UNC13C: variants seen among roughly 807,000 people sequenced by gnomAD.
The protein encoded by UNC13C is protein unc-13 homolog C.
In UNC13C, 174 loss-of-function variants were observed where a neutral mutation model predicts 245.4. The ratio of observed to expected loss-of-function variants is 0.71; its 90% CI spans 0.63 to 0.80. The LOEUF (loss-of-function observed/expected upper bound fraction) is 0.80, where lower values mean the gene tolerates loss of function less well. Among genes scored for constraint, UNC13C ranks in the 30% least tolerant of loss-of-function variants. The pLI, the probability that UNC13C is intolerant of heterozygous loss-of-function variation, is 0.00. For missense variants in UNC13C, 2,829 were observed against 2,602.9 expected, an observed-to-expected ratio of 1.09 and a Z score of -1.89; for synonymous variants, 992 against 895.1, an observed-to-expected ratio of 1.11 and a Z score of -1.93.
chr15:54,305,715 TAAA>T (rs1472687253), intron 13 of UNC13C, among the ~76,000 whole-genome samples: 1 of 151,920 alleles, frequency 6.6e-6, no homozygotes, highest in Non-Finnish European at 1.5e-5. Flanking sequence ...TCTTAATTCT[TAAA>T]AAAACAAAAT....
intron 4 of UNC13C, among the ~76,000 whole-genome samples, chr15:54,172,520 T>A (rs2033438190): frequency 6.6e-6 from 1 of 151,430 alleles, no homozygotes; most frequent in South Asian, 2.1e-4. Flanking sequence ...TGTGCCTTTT[T>A]CTTGATGAGT....
At chr15:54,347,238 C>A (rs1439973103) in intron 17 of UNC13C, among the ~76,000 whole-genome samples, 1 of 152,070 alleles carries the variant, frequency 6.6e-6, no homozygotes, top group African/African-American at 2.4e-5. Flanking sequence ...CCGTGGAAAC[C>A]ACTCAGCGAA....
Position 54,338,502 on chromosome 15 carries a change from G to T in UNC13C, c.4713+13G>T, listed in dbSNP as rs562071237. 2 of 1,611,122 alleles carry T rather than the reference G, an allele frequency of 1.2e-6. No homozygotes were observed. Among genetic ancestry groups the T allele is most frequent in the Non-Finnish European group, 1.7e-6 (2 of 1,177,846 alleles). ...GCTAACAGACCCGGTAAGAAAATAT[G>T]TATGTCTTTTATAATCGCCACTTTT... On this transcript the variant is annotated intron_variant, in intron 17 of 32. Coordinates refer to ENST00000260323, the MANE Select transcript of UNC13C (RefSeq NM_001080534.3).
chr15:53,960,335 G>GT, the UNC13C span, among the ~76,000 whole-genome samples: 30,809 of 143,446 alleles, frequency 0.21, 3,413 homozygotes, highest in Non-Finnish European at 0.26. Flanking sequence ...TCTATATCAT[G>GT]TTTTTTTTTT....
chr15:53,982,193 C>T (rs1893954139), intron 1 of UNC13C, among the ~76,000 whole-genome samples: 1 of 152,088 alleles, frequency 6.6e-6, no homozygotes, highest in Admixed American at 6.6e-5. Context: ...TCCCAACAGC[C>T]AATTTTTGTT....
At chr15:54,303,936 A>G (rs28435957) in intron 13 of UNC13C, among the ~76,000 whole-genome samples, 116,421 of 151,980 alleles carry the variant, frequency 0.77, 44,942 homozygotes, top group South Asian at 0.89. Flanking sequence ...AAATATTTTG[A>G]ATATTTATTT....
chr15:54,623,208 C>G (rs780191945), intron 31 of UNC13C, among the ~76,000 whole-genome samples: 1 of 151,550 alleles, frequency 6.6e-6, no homozygotes, highest in Non-Finnish European at 1.5e-5. Context: ...TTTTTTATGA[C>G]GACTGAAATT....
chr15:54,039,000 G>A lies in UNC13C; in HGVS notation c.2983+23114G>A, dbSNP rs147035321. 2.2e-4 allele frequency among the ~76,000 whole-genome samples: 33 copies of A among 152,208 alleles called. No homozygotes were observed. The East Asian group carries it at 5.4e-3, about 25-fold the overall frequency. ...AAGGCTACAAATTAATGGAATATAT[G>A]GGGTCTAGATGCAGTTGATTCTCCA... On this transcript the variant is annotated intron_variant, in intron 2 of 32. Transcript: ENST00000260323.
chr15:53,946,407 G>A, the UNC13C span, among the ~76,000 whole-genome samples: 4 of 151,116 alleles, frequency 2.6e-5, no homozygotes, highest in Admixed American at 6.6e-5. Flanking sequence ...TGATTTTGAG[G>A]CATATTCCTC....
the UNC13C span, among the ~76,000 whole-genome samples, chr15:53,910,501 G>A: frequency 6.8e-6 from 1 of 146,586 alleles, no homozygotes; most frequent in Non-Finnish European, 1.5e-5. Flanking sequence ...ATGGCTCTTG[G>A]GGCTCGGCTC....
chr15:54,563,554 C>A (rs540719026), intron 29 of UNC13C, among the ~76,000 whole-genome samples: 20 of 151,880 alleles, frequency 1.3e-4, no homozygotes, highest in Non-Finnish European at 2.4e-4. Flanking sequence ...TACAAGAAAC[C>A]AAGTCTTGGT....
chr15:54,276,533 A>C (rs2036836563), intron 10 of UNC13C, among the ~76,000 whole-genome samples: 1 of 152,096 alleles, frequency 6.6e-6, no homozygotes, highest in African/African-American at 2.4e-5. Flanking sequence ...AAAATCTAAA[A>C]TACAGTATCA....
rs114620205 is a variant in UNC13C at position 54,572,199 on chromosome 15, C to T, written c.6106+4252C>T. Among the ~76,000 whole-genome samples the T allele has an allele frequency of 8.3e-3, 1,264 of 152,102 alleles. 11 individuals are homozygous for T. The highest frequency in any genetic ancestry group is 0.029 in the African/African-American group (1,219 of 41,474). Reference sequence around the variant, plus strand: ...TGTGCCCTGACCTCTATGTACACCTCTCCTTGAGGACAAGTAAAAAGGCTC... The same window carrying T: ...TGTGCCCTGACCTCTATGTACACCTTTCCTTGAGGACAAGTAAAAAGGCTC... On this transcript the variant is annotated intron_variant, in intron 30 of 32. Transcript: ENST00000260323.
At chr15:54,482,377 C>A (rs1004504385) in intron 19 of UNC13C, among the ~76,000 whole-genome samples, 2 of 152,116 alleles carry the variant, frequency 1.3e-5, no homozygotes, top group Non-Finnish European at 2.9e-5. Context: ...TGAATTAATC[C>A]AATCAAGTGA....
At chr15:54,059,285 T>A (rs1897692194) in intron 2 of UNC13C, among the ~76,000 whole-genome samples, 1 of 152,166 alleles carries the variant, frequency 6.6e-6, no homozygotes, top group South Asian at 2.1e-4. Flanking sequence ...ACAAAATCAG[T>A]GTGCAAAAAT....
the UNC13C span, among the ~76,000 whole-genome samples, chr15:53,872,344 A>G: frequency 2.4e-5 from 1 of 41,866 alleles, no homozygotes; most frequent in African/African-American, 4.2e-5. Context: ...ACCGCCATTC[A>G]TAGATTTTTT....
At position 54,193,922 on chromosome 15, in the gene UNC13C, C is replaced by T. The variant is rs562055499; in HGVS notation, c.3072-41108C>T. Among the ~76,000 whole-genome samples the T allele has an allele frequency of 1.8e-4, 28 of 152,160 alleles. No individual in the cohort carries two copies. In the South Asian group the frequency reaches 5.2e-3, roughly 28 times the overall value. On this transcript the variant is annotated intron_variant, in intron 4 of 32. Coordinates refer to ENST00000260323, the MANE Select transcript of UNC13C (RefSeq NM_001080534.3). ...ACCTAGGTAATGAGATCTGGAGCTA[C>T]GAAGGTTCTACTGAAGAGAACAGAG...
intron 3 of UNC13C, 82 bp from the exon 4 acceptor site, chr15:54,143,538 C>A: frequency 9.0e-7 from 1 of 1,110,328 alleles, no homozygotes; most frequent in Non-Finnish European, 1.3e-6. Context: ...GTGCAGCTGA[C>A]CTGTGTCCCG....
At chr15:54,609,842 T>C (rs767985254) in intron 30 of UNC13C, among the ~76,000 whole-genome samples, 1 of 152,266 alleles carries the variant, frequency 6.6e-6, no homozygotes, top group South Asian at 2.1e-4. Context: ...TCAGGAAACT[T>C]ACAATCATGG....
Sources: allele counts gnomAD v4.1 joint callset (sites outside exome capture counted in the v4.1 genomes callset), GRCh38; gene constraint gnomAD v4.1.1; transcripts MANE v1.5; gene names NCBI Gene and HGNC (gene_info 2026-07-23, HGNC 2026-07-21).